XYLT1: variants seen among roughly 807,000 people sequenced by gnomAD.
XYLT1 encodes the protein beta-D-xylosyltransferase 1.
In XYLT1, 36 loss-of-function variants were observed where a neutral mutation model predicts 91.3. The observed-to-expected ratio is 0.39, with a 90% CI of 0.30 to 0.52. XYLT1 has a LOEUF of 0.52. Among genes scored for constraint, XYLT1 ranks in the 20% least tolerant of loss-of-function variants. XYLT1 has a pLI of 0.68. For synonymous variants in XYLT1, 588 were observed against 532.0 expected (o/e 1.11, Z -1.45); for missense variants, 1,242 against 1,284.5 (o/e 0.97, Z 0.51).
At chr16:17,157,629 C>G (rs1465808802) in intron 6 of XYLT1, among the ~76,000 whole-genome samples, 2 of 152,186 alleles carry the variant, frequency 1.3e-5, no homozygotes, top group Non-Finnish European at 2.9e-5. Context: ...ACAAAACACT[C>G]TGAGAGCTAA....
intron 9 of XYLT1, among the ~76,000 whole-genome samples, chr16:17,128,615 A>G (rs566893546): frequency 6.6e-6 from 1 of 152,324 alleles, no homozygotes; most frequent in East Asian, 1.9e-4. Flanking sequence ...ACTGGTTATC[A>G]TCTTTAACCA....
chr16:17,345,181 TC>T (rs1454414348), intron 2 of XYLT1, among the ~76,000 whole-genome samples: 1 of 152,224 alleles, frequency 6.6e-6, no homozygotes, highest in Non-Finnish European at 1.5e-5. Flanking sequence ...TCCAGGCAGT[TC>T]TGGGCTTCAC....
intron 1 of XYLT1, among the ~76,000 whole-genome samples, chr16:17,465,375 T>C (rs560194284): frequency 6.6e-6 from 1 of 152,078 alleles, no homozygotes; most frequent in African/African-American, 2.4e-5. Context: ...AAAAGTCTTA[T>C]CCCACAAAGT....
chr16:17,364,510 T>G (rs2035424252), intron 1 of XYLT1, among the ~76,000 whole-genome samples: 1 of 152,218 alleles, frequency 6.6e-6, no homozygotes, highest in South Asian at 2.1e-4. Flanking sequence ...TTACAAAGGC[T>G]GAGACATATC....
intron 1 of XYLT1, among the ~76,000 whole-genome samples, chr16:17,371,869 TAC>T (rs947859734): frequency 2.0e-5 from 3 of 152,240 alleles, no homozygotes; most frequent in African/African-American, 7.2e-5. Context: ...TGCATGTGTG[TAC>T]ACACACATAT....
intron 2 of XYLT1, among the ~76,000 whole-genome samples, chr16:17,273,042 A>G (rs183562224): frequency 3.9e-5 from 6 of 152,334 alleles, no homozygotes; most frequent in African/African-American, 1.2e-4. Context: ...TGGCTGGACA[A>G]TGAAGAGCTG....
chr16:17,218,604 A>G (rs1028501755), intron 3 of XYLT1, among the ~76,000 whole-genome samples: 1 of 152,140 alleles, frequency 6.6e-6, no homozygotes, highest in Non-Finnish European at 1.5e-5. Context: ...GTCTTCAAAG[A>G]TAGTGCTGCT....
chr16:17,110,887 C>T (rs750098793), intron 11 of XYLT1, among the ~76,000 whole-genome samples: 12 of 152,158 alleles, frequency 7.9e-5, no homozygotes, highest in African/African-American at 1.9e-4. Flanking sequence ...GGGCCAGGCA[C>T]GATGGCTTAC....
intron 1 of XYLT1, among the ~76,000 whole-genome samples, chr16:17,383,596 A>G (rs938142169): frequency 6.6e-6 from 1 of 151,896 alleles, no homozygotes; most frequent in African/African-American, 2.4e-5. Flanking sequence ...AACAAAAGGA[A>G]CATTTACATT....
chr16:17,291,242 C>A (rs1215202354), intron 2 of XYLT1, among the ~76,000 whole-genome samples: 1 of 152,176 alleles, frequency 6.6e-6, no homozygotes, highest in African/African-American at 2.4e-5. Context: ...TGGACCCAAG[C>A]GATCTTCCTG....
At chr16:17,154,154 C>T (rs1012173788) in intron 6 of XYLT1, among the ~76,000 whole-genome samples, 1 of 152,202 alleles carries the variant, frequency 6.6e-6, no homozygotes, top group Non-Finnish European at 1.5e-5. Flanking sequence ...CTCCATCTCC[C>T]CAATACCATG....
chr16:17,153,774 C>T (rs1042125763), intron 6 of XYLT1, among the ~76,000 whole-genome samples: 1 of 152,162 alleles, frequency 6.6e-6, no homozygotes, highest in African/African-American at 2.4e-5. Flanking sequence ...GGCACATAAA[C>T]ACACTTTGCA....
chr16:17,325,016 A>G (rs2034777510), intron 2 of XYLT1, among the ~76,000 whole-genome samples: 1 of 152,176 alleles, frequency 6.6e-6, no homozygotes, highest in East Asian at 1.9e-4. Context: ...AGTATCTATT[A>G]TGTGGTTCAA....
chr16:17,144,336 C>T (rs566727437), intron 6 of XYLT1, among the ~76,000 whole-genome samples: 3 of 152,200 alleles, frequency 2.0e-5, no homozygotes, highest in African/African-American at 7.2e-5. Flanking sequence ...ACAGGAAACA[C>T]TATAAACGAC....
chr16:17,330,795 GA>G (rs558088198), intron 2 of XYLT1, among the ~76,000 whole-genome samples: 73 of 142,108 alleles, frequency 5.1e-4, no homozygotes, highest in Middle Eastern at 3.6e-3. Context: ...CTCCCTCTCG[GA>G]AAAAAAAAAA....
chr16:17,165,923 T>C (rs2031669990), intron 5 of XYLT1, among the ~76,000 whole-genome samples: 1 of 152,232 alleles, frequency 6.6e-6, no homozygotes, highest in East Asian at 1.9e-4. Context: ...CTACACGGAA[T>C]GAGACTTCTC....
At chr16:17,198,101 C>T (rs994630835) in intron 5 of XYLT1, 111 bp downstream of exon 5, 10 of 1,110,298 alleles carry the variant, frequency 9.0e-6, no homozygotes, top group South Asian at 1.4e-5. Context: ...CTATCCTGAG[C>T]GATCCTGTGG....
intron 1 of XYLT1, among the ~76,000 whole-genome samples, chr16:17,379,749 TCTCTCTCTCTCTCTCA>T (rs1425983000): frequency 7.7e-6 from 1 of 129,470 alleles, no homozygotes; most frequent in East Asian, 2.0e-4. Flanking sequence ...TCTCTCTCTC[TCTCTCTCTCTCTCTCA>T]CACACACACA....
chr16:17,137,989 C>CAAATGTAACAAATAT (rs1461241488), intron 8 of XYLT1, among the ~76,000 whole-genome samples: 2 of 151,766 alleles, frequency 1.3e-5, no homozygotes, highest in Non-Finnish European at 2.9e-5. Context: ...TTCCTGGGTA[C>CAAATGTAACAAATAT]AAATGTAACA....
Sources: allele counts gnomAD v4.1 joint callset (sites outside exome capture counted in the v4.1 genomes callset), GRCh38; gene constraint gnomAD v4.1.1; transcripts MANE v1.5; gene names NCBI Gene and HGNC (gene_info 2026-07-23, HGNC 2026-07-21).